Variants in ATF6 observed in about 807,000 individuals in gnomAD.
ATF6 encodes cyclic AMP-dependent transcription factor ATF-6 alpha.
ATF6 carries 53 observed loss-of-function variants against 83.6 expected under a neutral mutation model. The ratio of observed to expected loss-of-function variants is 0.63; its 90% CI spans 0.51 to 0.80. The LOEUF (loss-of-function observed/expected upper bound fraction) is 0.80. Ranked by LOEUF, ATF6 falls within the 30% of genes least tolerant of loss-of-function variation. The probability of loss-of-function intolerance (pLI) is 0.00; values close to 1 mark genes in which losing one functional copy is unlikely to be tolerated. For synonymous variants in ATF6, 288 were observed against 285.8 expected, an observed-to-expected ratio of 1.01 and a Z score of -0.08; for missense variants, 744 against 797.9, an observed-to-expected ratio of 0.93 and a Z score of 0.81.
At chr1:161,806,843 T>C (rs766622757) in intron 7 of ATF6, among the ~76,000 whole-genome samples, 2 of 152,146 alleles carry the variant, frequency 1.3e-5, no homozygotes, top group Non-Finnish European at 2.9e-5. Flanking sequence ...TCATACCAAA[T>C]TAGAACTTTG....
At chr1:161,921,044 T>G (rs1474717324) in intron 15 of ATF6, among the ~76,000 whole-genome samples, 35 of 152,024 alleles carry the variant, frequency 2.3e-4, no homozygotes, top group Non-Finnish European at 8.8e-5. Flanking sequence ...CGTTGTTTTT[T>G]GTTTGTTTGT....
intron 14 of ATF6, 122 bp downstream of exon 14, chr1:161,863,434 A>G: frequency 1.5e-6 from 1 of 675,656 alleles, no homozygotes. Context: ...AAAATAAATT[A>G]TGTGAGTGGA....
At chr1:161,812,392 T>C (rs1307846209) in intron 7 of ATF6, among the ~76,000 whole-genome samples, 1 of 110,650 alleles carries the variant, frequency 9.0e-6, no homozygotes, top group East Asian at 2.5e-4. Flanking sequence ...TTTTTTTTTT[T>C]TTTTTTTTTT....
At chr1:161,837,906 A>G (rs1686261748) in intron 9 of ATF6, among the ~76,000 whole-genome samples, 1 of 152,242 alleles carries the variant, frequency 6.6e-6, no homozygotes, top group African/African-American at 2.4e-5. Flanking sequence ...GCCATGAGGC[A>G]GGTATTATTA....
At chr1:161,926,734 C>T (rs941294991) in intron 15 of ATF6, among the ~76,000 whole-genome samples, 1 of 151,968 alleles carries the variant, frequency 6.6e-6, no homozygotes, top group African/African-American at 2.4e-5. Flanking sequence ...TGCTGCTTGT[C>T]AAAGAATGTA....
chr1:161,909,331 C>T (rs1201870658), intron 14 of ATF6, among the ~76,000 whole-genome samples: 1 of 152,134 alleles, frequency 6.6e-6, no homozygotes, highest in Admixed American at 6.5e-5. Context: ...GGAAGCCTTC[C>T]ACCATTACCA....
chr1:161,808,154 A>G (rs1476946212), intron 7 of ATF6, among the ~76,000 whole-genome samples: 2 of 152,202 alleles, frequency 1.3e-5, no homozygotes, highest in East Asian at 3.9e-4. Flanking sequence ...TGCTGGGATT[A>G]TAGGCATGAG....
intron 14 of ATF6, among the ~76,000 whole-genome samples, chr1:161,907,294 A>G (rs544761173): frequency 3.7e-4 from 56 of 152,328 alleles, no homozygotes; most frequent in African/African-American, 1.3e-3. Context: ...TAGGACAGGG[A>G]CATAGGTTAG....
At chr1:161,792,970 G>C (rs1223252032) in intron 6 of ATF6, among the ~76,000 whole-genome samples, 1 of 152,172 alleles carries the variant, frequency 6.6e-6, no homozygotes, top group African/African-American at 2.4e-5. Context: ...CTCTTAGGTA[G>C]ATTAGTCATC....
At chr1:161,919,014 C>CT (rs1688152696) in intron 15 of ATF6, among the ~76,000 whole-genome samples, 1 of 152,140 alleles carries the variant, frequency 6.6e-6, no homozygotes, top group Non-Finnish European at 1.5e-5. Flanking sequence ...TCAGAAATCG[C>CT]TAAAGAGAGT....
chr1:161,774,406 TACACAC>T (rs60069049), intron 1 of ATF6, among the ~76,000 whole-genome samples: 17,291 of 148,446 alleles, frequency 0.12, 1,451 homozygotes, highest in East Asian at 0.31. Context: ...TATGGATATG[TACACAC>T]ACACACACAC....
chr1:161,782,095 T>G (rs1684644771), intron 3 of ATF6, 96 bp downstream of exon 3: 4 of 786,892 alleles, frequency 5.1e-6, no homozygotes, highest in Non-Finnish European at 8.2e-6. Context: ...TGGGCTATTC[T>G]GGTAGGTTAA....
intron 14 of ATF6, among the ~76,000 whole-genome samples, chr1:161,868,965 C>T (rs919883906): frequency 6.6e-6 from 1 of 151,856 alleles, no homozygotes; most frequent in African/African-American, 2.4e-5. Context: ...GTTGTTAGAC[C>T]TCACTGATTT....
At chr1:161,880,949 G>A (rs888422913) in intron 14 of ATF6, among the ~76,000 whole-genome samples, 2 of 152,044 alleles carry the variant, frequency 1.3e-5, no homozygotes, top group African/African-American at 4.8e-5. Context: ...TCTAATAGAG[G>A]TATGTAGTGG....
chr1:161,832,463 C>G (rs940047051), intron 9 of ATF6, among the ~76,000 whole-genome samples: 3 of 152,136 alleles, frequency 2.0e-5, no homozygotes, highest in African/African-American at 7.2e-5. Flanking sequence ...GAGGCATTGC[C>G]TCACCCAGGA....
intron 14 of ATF6, among the ~76,000 whole-genome samples, chr1:161,890,298 T>C (rs1471462913): frequency 2.6e-5 from 4 of 152,212 alleles, no homozygotes; most frequent in African/African-American, 9.6e-5. Context: ...GCTAACCTGA[T>C]TTAAATACCA....
At chr1:161,876,337 A>G (rs1467590364) in intron 14 of ATF6, among the ~76,000 whole-genome samples, 1 of 152,064 alleles carries the variant, frequency 6.6e-6, no homozygotes, top group Non-Finnish European at 1.5e-5. Context: ...ATGGTTGGAA[A>G]GTGTCATGAT....
chr1:161,794,745 C>T (rs1312539434), intron 6 of ATF6, among the ~76,000 whole-genome samples: 1 of 152,168 alleles, frequency 6.6e-6, no homozygotes, highest in Non-Finnish European at 1.5e-5. Context: ...TTCTACCAAC[C>T]AGCAACAACT....
chr1:161,835,166 C>T (rs545908370), intron 9 of ATF6, among the ~76,000 whole-genome samples: 6 of 152,294 alleles, frequency 3.9e-5, no homozygotes, highest in South Asian at 2.1e-4. Flanking sequence ...AACTCCTAGG[C>T]TCAAGCCTCC....
Sources: allele counts gnomAD v4.1 joint callset (sites outside exome capture counted in the v4.1 genomes callset), GRCh38; gene constraint gnomAD v4.1.1; transcripts MANE v1.5; gene names NCBI Gene and HGNC (gene_info 2026-07-23, HGNC 2026-07-21).